Variants in ZFHX3 observed in about 807,000 individuals in gnomAD.
ZFHX3 encodes the protein zinc finger homeobox protein 3.
A neutral mutation model predicts 279.1 loss-of-function variants in ZFHX3; 42 were observed. The observed-to-expected ratio is 0.15, with a 90% confidence interval of 0.12 to 0.19. The LOEUF is 0.19. Among genes scored for constraint, ZFHX3 ranks in the 10% least tolerant of loss-of-function variants. The probability of loss-of-function intolerance (pLI) is 1.00; values close to 1 mark genes in which losing one functional copy is unlikely to be tolerated. For synonymous variants in ZFHX3, 2,293 were observed against 1,957.8 expected, an observed-to-expected ratio of 1.17 and a Z score of -4.52; for missense variants, 4,981 against 4,754.0, an observed-to-expected ratio of 1.05 and a Z score of -1.40.
At chr16:72,896,148 A>G (rs1042886778) in intron 3 of ZFHX3, among the ~76,000 whole-genome samples, 1 of 152,218 alleles carries the variant, frequency 6.6e-6, no homozygotes, top group Non-Finnish European at 1.5e-5. Flanking sequence ...ATCTGGATTA[A>G]CTGGAAATTT....
intron 2 of ZFHX3, among the ~76,000 whole-genome samples, chr16:73,461,443 A>C (rs1019847415): frequency 8.5e-5 from 13 of 152,148 alleles, no homozygotes; most frequent in Non-Finnish European, 4.4e-5. Flanking sequence ...TTTATGTGTC[A>C]AGTCCAACAA....
intron 4 of ZFHX3, among the ~76,000 whole-genome samples, chr16:72,844,088 T>C (rs376742284): frequency 2.6e-5 from 4 of 152,134 alleles, no homozygotes; most frequent in Admixed American, 2.0e-4. Flanking sequence ...ATCCCAGAAG[T>C]ACTGCTCCCA....
At chr16:73,834,355 T>C (rs746332252) in intron 1 of ZFHX3, among the ~76,000 whole-genome samples, 2 of 152,220 alleles carry the variant, frequency 1.3e-5, no homozygotes, top group African/African-American at 4.8e-5. Flanking sequence ...TTGTAGGATG[T>C]AGAGTAAACT....
At chr16:73,675,340 C>T (rs2052943826) in intron 2 of ZFHX3, among the ~76,000 whole-genome samples, 1 of 151,952 alleles carries the variant, frequency 6.6e-6, no homozygotes, top group South Asian at 2.1e-4. Context: ...CAAAACCTCC[C>T]TAAATAGAAG....
intron 2 of ZFHX3, among the ~76,000 whole-genome samples, chr16:73,645,554 T>G (rs1370727537): frequency 6.6e-6 from 1 of 152,252 alleles, no homozygotes; most frequent in Non-Finnish European, 1.5e-5. Flanking sequence ...AAATTTATTC[T>G]AAGCATTTAA....
At chr16:72,801,526 AG>A (rs1470062780) in intron 7 of ZFHX3, among the ~76,000 whole-genome samples, 1 of 152,140 alleles carries the variant, frequency 6.6e-6, no homozygotes, top group Non-Finnish European at 1.5e-5. Flanking sequence ...CATCACACTT[AG>A]GGGTATTAGA....
chr16:73,461,509 T>C (rs978361337), intron 2 of ZFHX3, among the ~76,000 whole-genome samples: 8 of 152,340 alleles, frequency 5.3e-5, no homozygotes, highest in Middle Eastern at 3.4e-3. Flanking sequence ...AAAAGTTGTA[T>C]AGTTTTATGT....
At chr16:73,448,296 T>C (rs927448748) in intron 3 of ZFHX3, among the ~76,000 whole-genome samples, 13 of 152,214 alleles carry the variant, frequency 8.5e-5, no homozygotes, top group Non-Finnish European at 4.4e-5. Context: ...GGAAAACAAC[T>C]ATCTTTTTTA....
In ZFHX3 at chr16:73,841,467, C is replaced by T. The variant is rs55695754; in HGVS notation, c.-1608+50184G>A. 8.3e-3 allele frequency among the ~76,000 whole-genome samples: 1,258 copies of T among 152,142 alleles called. 19 individuals are homozygous for T. Among genetic ancestry groups the T allele is most frequent in the African/African-American group, 0.028 (1,166 of 41,496 alleles). On this transcript the variant is annotated intron_variant, in intron 1 of 17. Coordinates refer to the ZFHX3 transcript ENST00000641206. ...ACACCTGGGCTTGGAGGGGCTGAGTCGGCTGGGAGATCGGCATGACCAAGC... is the reference window on the plus strand; with the variant it reads ...ACACCTGGGCTTGGAGGGGCTGAGTTGGCTGGGAGATCGGCATGACCAAGC...
intron 2 of ZFHX3, among the ~76,000 whole-genome samples, chr16:73,643,766 G>C (rs1458452545): frequency 6.6e-6 from 1 of 152,112 alleles, no homozygotes; most frequent in East Asian, 1.9e-4. Context: ...TATCTCTTCA[G>C]CACCTCTTTT....
At chr16:72,954,872 T>C (rs373637988) in intron 2 of ZFHX3, among the ~76,000 whole-genome samples, 1 of 152,188 alleles carries the variant, frequency 6.6e-6, no homozygotes, top group South Asian at 2.1e-4. Context: ...AAGGGAAGTA[T>C]GAAAACAATC....
rs569202728 is a variant in ZFHX3, at chr16:72,977,855, AT to A, written c.-49-17662del. The stretch of plus-strand genomic sequence containing the variant: ...AAGGGGAAGAAGAAAAGGACCAGGG[AT>A]TTTTTTTCTTTTTTCTTTTTTTTTT... On this transcript the variant is annotated intron_variant, in intron 1 of 9. Transcript: ENST00000268489. Among the ~76,000 whole-genome samples the A allele has an allele frequency of 3.3e-5, 5 of 151,064 alleles. No homozygotes were observed. The East Asian group carries it at 7.8e-4, about 24-fold the overall frequency.
intron 5 of ZFHX3, among the ~76,000 whole-genome samples, chr16:73,168,211 T>TTTTCTTTGTTTCTTTCTTTC (rs1555502324): frequency 1.1e-5 from 1 of 95,222 alleles, no homozygotes; most frequent in Admixed American, 1.2e-4. Flanking sequence ...GTTTCTTTTG[T>TTTTCTTTGTTTCTTTCTTTC]TTTCTTTCTT....
At chr16:72,935,282 G>A (rs1567592316) in intron 3 of ZFHX3, among the ~76,000 whole-genome samples, 1 of 152,114 alleles carries the variant, frequency 6.6e-6, no homozygotes, top group Non-Finnish European at 1.5e-5. Context: ...CCAAAAATGT[G>A]GTTCTCAGGG....
chr16:73,422,530 A>G (rs2017737050), intron 3 of ZFHX3, among the ~76,000 whole-genome samples: 1 of 152,148 alleles, frequency 6.6e-6, no homozygotes, highest in Non-Finnish European at 1.5e-5. Flanking sequence ...CTTTTCCCCA[A>G]ATCAAAGTCA....
At chr16:73,314,462 C>T (rs1597279701) in intron 4 of ZFHX3, among the ~76,000 whole-genome samples, 1 of 152,302 alleles carries the variant, frequency 6.6e-6, no homozygotes, top group East Asian at 1.9e-4. Context: ...CAGAGACATT[C>T]AAGAACTGGG....
chr16:73,484,708 C>T lies in ZFHX3; in HGVS notation c.-1546-28450G>A, dbSNP rs559010053. Among the ~76,000 whole-genome samples, 3 of 152,334 alleles carry T rather than the reference C, an allele frequency of 2.0e-5. No homozygotes were observed. The South Asian group carries it at 6.2e-4, about 32-fold the overall frequency. On this transcript the variant is annotated intron_variant, in intron 2 of 17. Transcript: ENST00000641206. ...TCTCTCCTTTAAAACAATCAACTTC[C>T]ATTTTCCTATGTTTTAGCATCTGTT...
At chr16:73,398,570 T>C (rs1188079165) in intron 3 of ZFHX3, among the ~76,000 whole-genome samples, 4 of 152,216 alleles carry the variant, frequency 2.6e-5, no homozygotes. Flanking sequence ...GGAGCATTTA[T>C]AACACAGAAA....
chr16:73,003,215 C>G lies in ZFHX3; in HGVS notation c.-49-43021G>C, dbSNP rs376001354. On this transcript the variant is annotated intron_variant, in intron 1 of 9. Coordinates refer to ENST00000268489, the MANE Select transcript of ZFHX3 (RefSeq NM_006885.4). ...TGTTATAAGTGTCTGTAGCAAAAAT[C>G]TTTATGTATAAATTTCCTTTGCACG... 2.1e-4 allele frequency among the ~76,000 whole-genome samples: 31 copies of G among 151,166 alleles called. No individual in the cohort carries two copies. The East Asian group carries it at 2.1e-3, about 10-fold the overall frequency.
Sources: allele counts gnomAD v4.1 joint callset (sites outside exome capture counted in the v4.1 genomes callset), GRCh38; gene constraint gnomAD v4.1.1; transcripts MANE v1.5; gene names NCBI Gene and HGNC (gene_info 2026-07-23, HGNC 2026-07-21).